The following OR5B21 variants were observed in gnomAD, a reference collection of about 807,000 sequenced individuals.
OR5B21 encodes olfactory receptor family 5 subfamily B member 21.
For missense variants in OR5B21, 372 were observed against 375.7 expected (o/e 0.99, Z 0.08); for synonymous variants, 151 against 143.3 (o/e 1.05, Z -0.38).
chr11:58,507,187 G>C lies in OR5B21; in HGVS notation c.919C>G (p.Pro307Ala), dbSNP rs761156254. Residue 307 changes from proline (P) to alanine (A), a missense_variant, in exon 1 of 1, where the codon CCC becomes GCC. Pro to Ala is a conservative substitution (Grantham distance 27). Coordinates refer to ENST00000360374, the MANE Select transcript of OR5B21 (RefSeq NM_001005218.3). ...CTTCCCATTCACATTTAATATTGGG[G>C]GTAAAGTTTGTTGAGTATTTTCCAG... ...ALWKILNKLY[P>A]QY 1 of 1,601,196 alleles carries C rather than the reference G, an allele frequency of 6.2e-7. No individual in the cohort carries two copies. The highest frequency in any genetic ancestry group is 1.3e-5 in the African/African-American group (1 of 74,590).
Position 58,507,762 on chromosome 11 carries a change from G to GAATGATCGCCATGC in OR5B21, c.343_344insGCATGGCGATCATT (p.Ser115CysfsTer25), listed in dbSNP as rs758580817. The GAATGATCGCCATGC allele has an allele frequency of 4.3e-6, 7 of 1,614,148 alleles. No homozygotes were observed. In the African/African-American group the frequency reaches 9.3e-5, roughly 22 times the overall value. ...CGCTGCATGGCGATCATAGGCCATG[G>GAATGATCGCCATGC]AGGCCAGGAGGTAGCACTCAACAGT... is the stretch of plus-strand genomic sequence containing the variant. On this transcript the variant is annotated frameshift_variant, in exon 1 of 1. Transcript: ENST00000360374. LOFTEE classifies it low-confidence loss of function (END_TRUNC).
In OR5B21 at chr11:58,507,120, A is replaced by T; in HGVS notation, c.*56T>A. The T allele has an allele frequency of 2.5e-6, 3 of 1,221,944 alleles. No homozygotes were observed. Among genetic ancestry groups the T allele is most frequent in the Non-Finnish European group, 3.5e-6 (3 of 851,430 alleles). The allele number at this position is 1,221,944 out of a possible 1,614,324, so 75.7% of individuals were successfully genotyped here. ...GTCAAACGTTAAAAGTCATGATGGC[A>T]TTTAGGTGTGAGAGAAAGTTTATCC... On this transcript the variant is annotated 3_prime_UTR_variant, in exon 1 of 1. Coordinates refer to ENST00000360374, the MANE Select transcript of OR5B21 (RefSeq NM_001005218.3).
rs1258052055 is a variant in OR5B21 at position 58,507,355 on chromosome 11, T to C, written c.751A>G (p.Thr251Ala). Reference sequence around the variant, plus strand: ...GGCTGTAAGTACATGAAGATGATTGTGCCATAGAAGATGGACAAAGCAGTG... The same window carrying C: ...GGCTGTAAGTACATGAAGATGATTGCGCCATAGAAGATGGACAAAGCAGTG... ...HLTALSIFYG[T>A]IIFMYLQPNS... is the part of the protein sequence containing the mutation. Residue 251 changes from threonine (T) to alanine (A), a missense_variant, in exon 1 of 1, where the codon ACA (threonine) becomes GCA (alanine). Coordinates refer to ENST00000360374, the MANE Select transcript of OR5B21 (RefSeq NM_001005218.3). The C allele has an allele frequency of 6.2e-7, 1 of 1,614,158 alleles. No individual in the cohort carries two copies. The highest frequency in any genetic ancestry group is 8.5e-7 in the Non-Finnish European group (1 of 1,180,024).
Position 58,507,489 on chromosome 11 carries a change from A to T in OR5B21, c.617T>A (p.Phe206Tyr). 2 of 1,614,104 alleles carry T rather than the reference A, an allele frequency of 1.2e-6. No homozygotes were observed. The highest frequency in any genetic ancestry group is 1.7e-6 in the Non-Finnish European group (2 of 1,179,992). ...AGAAATAAGGATGACCAGGAGGGTG[A>T]AAAAGACGTTGAAGCCTGCCACAAA... ...VVFVAGFNVF[F>Y]TLLVILISYF... is the part of the protein sequence containing the mutation. Residue 206 changes from phenylalanine (F) to tyrosine (Y), a missense_variant, in exon 1 of 1, where the codon TTC becomes TAC. Physicochemically the swap from Phe to Tyr is conservative, Grantham distance 22 (BLOSUM62 3). Transcript: ENST00000360374.
At position 58,507,795 on chromosome 11, in the gene OR5B21, C is replaced by A; in HGVS notation, c.311G>T (p.Gly104Val). The A allele has an allele frequency of 6.2e-7, 1 of 1,614,068 alleles. No individual in the cohort carries two copies. The highest frequency in any genetic ancestry group is 8.5e-7 in the Non-Finnish European group (1 of 1,180,004). Residue 104 changes from glycine (G) to valine (V), a missense_variant, in exon 1 of 1, where the codon GGG becomes GTG. Coordinates refer to ENST00000360374, the MANE Select transcript of OR5B21 (RefSeq NM_001005218.3). Reference protein sequence around the residue: ...GCAAQFFFFVGFATVECYLLA... With the variant: ...GCAAQFFFFVVFATVECYLLA... ...GAGGTAGCACTCAACAGTGGCAAAC[C>A]CCACAAAGAAGAAGAACTGAGCTGC...
rs766245296 is a variant in OR5B21 at position 58,507,289 on chromosome 11, C to T, written c.817G>A (p.Val273Met). ...QSVDTDKIAS[V>M]FYTVVIPMLN... The stretch of plus-strand genomic sequence containing the variant: ...ATGGGAATCACCACTGTGTAAAACA[C>T]AGAGGCTATTTTGTCTGTGTCCACG... The change falls in exon 1 of 1, where the codon GTG (valine) becomes ATG (methionine). Residue 273 changes from valine (V) to methionine (M), a missense_variant. Val to Met is a conservative substitution (Grantham distance 21, BLOSUM62 1). Transcript: ENST00000360374. 2 of 1,614,116 alleles carry T rather than the reference C, an allele frequency of 1.2e-6. No homozygotes were observed. The highest frequency in any genetic ancestry group is 2.2e-5 in the South Asian group (2 of 91,076).
chr11:58,507,568 G>A lies in OR5B21; in HGVS notation c.538C>T (p.Pro180Ser). ...GAGCATGAGAGAGCCAGGAGTGGGG[G>A]AATGTCACAGAAGAAATGATTAATC... is the stretch of plus-strand genomic sequence containing the variant. ...NEINHFFCDIPPLLALSCSDT... is the reference protein window; with the variant it reads ...NEINHFFCDISPLLALSCSDT... The change falls in exon 1 of 1, where the codon CCC becomes TCC. Residue 180 changes from proline to serine, a missense_variant. Pro to Ser is a moderately conservative substitution (Grantham distance 74). Transcript: ENST00000360374. 6.2e-7 allele frequency: 1 copy of A among 1,614,144 alleles called. No individual in the cohort carries two copies.
Position 58,507,955 on chromosome 11 carries a change from A to G in OR5B21, c.151T>C (p.Ser51Pro). 1 of 1,614,034 alleles carries G rather than the reference A, an allele frequency of 6.2e-7. No homozygotes were observed. The highest frequency in any genetic ancestry group is 1.1e-5 in the South Asian group (1 of 91,072). ...AAGTACATTGGAGTGTGGAGATGGG[A>G]GTCTGAGTGGATGATCACCATCATT... ...GGMMVIIHSD[S>P]HLHTPMYFFL... The change falls in exon 1 of 1, where the codon TCC becomes CCC. Residue 51 changes from serine (S) to proline (P), a missense_variant. By Grantham distance (74) the Ser-to-Pro change is moderately conservative. Coordinates refer to ENST00000360374, the MANE Select transcript of OR5B21 (RefSeq NM_001005218.3).
chr11:58,507,158 C>A lies in OR5B21; in HGVS notation c.*18G>T. 1.3e-6 allele frequency: 2 copies of A among 1,553,364 alleles called. No homozygotes were observed. The highest frequency in any genetic ancestry group is 1.2e-5 in the South Asian group (1 of 85,478). On this transcript the variant is annotated 3_prime_UTR_variant, in exon 1 of 1. Coordinates refer to ENST00000360374, the MANE Select transcript of OR5B21 (RefSeq NM_001005218.3). The stretch of plus-strand genomic sequence containing the variant: ...AGAAAGTTTATCCCTTAATTGCTTG[C>A]CTACTTCCCATTCACATTTAATATT...
chr11:58,507,185 G>A lies in OR5B21; in HGVS notation c.921C>T (p.Pro307=), dbSNP rs1320148796. 1 of 1,598,618 alleles carries A rather than the reference G, an allele frequency of 6.3e-7. No individual in the cohort carries two copies. The highest frequency in any genetic ancestry group is 8.6e-7 in the Non-Finnish European group (1 of 1,168,554). The change falls in exon 1 of 1, where the codon CCC becomes CCT. Residue 307 remains proline (P), a synonymous_variant. Transcript: ENST00000360374. ...TACTTCCCATTCACATTTAATATTG[G>A]GGGTAAAGTTTGTTGAGTATTTTCC... is the stretch of plus-strand genomic sequence containing the variant. ...ALWKILNKLY[P]QY is the part of the protein sequence containing the mutation.
chr11:58,507,430 G>T lies in OR5B21; in HGVS notation c.676C>A (p.His226Asn), dbSNP rs757039475. The change falls in exon 1 of 1, where the codon CAT becomes AAT. Residue 226 changes from histidine to asparagine, a missense_variant. Coordinates refer to ENST00000360374, the MANE Select transcript of OR5B21 (RefSeq NM_001005218.3). The stretch of plus-strand genomic sequence containing the variant: ...ACTTTCTTCTGCCCTTCAGCAGAAT[G>T]CATCCTCTGAATGGTGATGCATATG... ...FFICITIQRM[H>N]SAEGQKKVFS... is the part of the protein sequence containing the mutation. 2 of 1,614,080 alleles carry T rather than the reference G, an allele frequency of 1.2e-6. No individual in the cohort carries two copies. The highest frequency in any genetic ancestry group is 8.5e-7 in the Non-Finnish European group (1 of 1,179,982).
rs1298355088 is a variant in OR5B21, at chr11:58,507,519, A to G, written c.587T>C (p.Val196Ala). 1.2e-6 allele frequency: 2 copies of G among 1,614,002 alleles called. No homozygotes were observed. The highest frequency in any genetic ancestry group is 1.7e-5 in the Admixed American group (1 of 59,976). Residue 196 changes from valine (V) to alanine (A), a missense_variant, in exon 1 of 1, where the codon GTG becomes GCG. Coordinates refer to ENST00000360374, the MANE Select transcript of OR5B21 (RefSeq NM_001005218.3). ...SCSDTRISKL[V>A]VFVAGFNVFF... ...GACGTTGAAGCCTGCCACAAAGACCACCAACTTGCTGATGCGTGTGTCAGA... is the reference window on the plus strand; with the variant it reads ...GACGTTGAAGCCTGCCACAAAGACCGCCAACTTGCTGATGCGTGTGTCAGA...
chr11:58,507,515 G>A lies in OR5B21; in HGVS notation c.591C>T (p.Val197=), dbSNP rs760726959. The A allele has an allele frequency of 1.9e-6, 3 of 1,614,148 alleles. No individual in the cohort carries two copies. Among genetic ancestry groups the A allele is most frequent in the Non-Finnish European group, 2.5e-6 (3 of 1,179,998 alleles). ...AAAAGACGTTGAAGCCTGCCACAAA[G>A]ACCACCAACTTGCTGATGCGTGTGT... ...CSDTRISKLV[V]FVAGFNVFFT... Residue 197 remains valine, a synonymous_variant, in exon 1 of 1, where the codon GTC becomes GTT. Coordinates refer to ENST00000360374, the MANE Select transcript of OR5B21 (RefSeq NM_001005218.3).
In OR5B21 at chr11:58,507,974, C is replaced by T; in HGVS notation, c.132G>A (p.Met44Ile). The change falls in exon 1 of 1, where the codon ATG (methionine) becomes ATA (isoleucine). Residue 44 changes from methionine to isoleucine, a missense_variant. Transcript: ENST00000360374. ...GATGGGAGTCTGAGTGGATGATCAC[C>T]ATCATTCCCCCATTCCCAAGCAGGG... ...LITLLGNGGMMVIIHSDSHLH... is the reference protein window; with the variant it reads ...LITLLGNGGMIVIIHSDSHLH... 1 of 1,614,040 alleles carries T rather than the reference C, an allele frequency of 6.2e-7. No homozygotes were observed. The highest frequency in any genetic ancestry group is 8.5e-7 in the Non-Finnish European group (1 of 1,179,968).
chr11:58,507,544 A>G lies in OR5B21; in HGVS notation c.562T>C (p.Ser188Pro). ...ACCAACTTGCTGATGCGTGTGTCAG[A>G]GCATGAGAGAGCCAGGAGTGGGGGA... ...DIPPLLALSC[S>P]DTRISKLVVF... The change falls in exon 1 of 1, where the codon TCT becomes CCT. Residue 188 changes from serine to proline, a missense_variant. Coordinates refer to ENST00000360374, the MANE Select transcript of OR5B21 (RefSeq NM_001005218.3). 2 of 1,614,156 alleles carry G rather than the reference A, an allele frequency of 1.2e-6. No homozygotes were observed. The highest frequency in any genetic ancestry group is 1.7e-6 in the Non-Finnish European group (2 of 1,180,012).
At position 58,507,171 on chromosome 11, in the gene OR5B21, C is replaced by G; in HGVS notation, c.*5G>C. On this transcript the variant is annotated 3_prime_UTR_variant, in exon 1 of 1. Transcript: ENST00000360374. ...CTTAATTGCTTGCCTACTTCCCATT[C>G]ACATTTAATATTGGGGGTAAAGTTT... 6.3e-7 allele frequency: 1 copy of G among 1,581,742 alleles called. No homozygotes were observed. The highest frequency in any genetic ancestry group is 1.3e-5 in the African/African-American group (1 of 74,258).
Position 58,507,925 on chromosome 11 carries a change from G to A in OR5B21, c.181C>T (p.Leu61Phe). ...AAGTCTACAAGGGAGAGGTTACTGA[G>A]GAAAAAGTACATTGGAGTGTGGAGA... ...SHLHTPMYFF[L>F]SNLSLVDLGY... is the part of the protein sequence containing the mutation. Residue 61 changes from leucine to phenylalanine, a missense_variant, in exon 1 of 1, where the codon CTC (leucine) becomes TTC (phenylalanine). Coordinates refer to ENST00000360374, the MANE Select transcript of OR5B21 (RefSeq NM_001005218.3). 1 of 1,614,120 alleles carries A rather than the reference G, an allele frequency of 6.2e-7. No individual in the cohort carries two copies. The highest frequency in any genetic ancestry group is 1.1e-5 in the South Asian group (1 of 91,082).
In OR5B21 at chr11:58,507,996, AG is replaced by A; in HGVS notation, c.109del (p.Leu37CysfsTer7). The A allele has an allele frequency of 1.2e-6, 2 of 1,614,102 alleles. No individual in the cohort carries two copies. The highest frequency in any genetic ancestry group is 1.7e-6 in the Non-Finnish European group (2 of 1,179,980). The part of the protein sequence containing the change: ...LAFLFIYLIT[L>X]LGNGGMMVII... ...CACCATCATTCCCCCATTCCCAAGC[AG>A]GGTGATGAGGTAGATGAATAAAAAT... On this transcript the variant is annotated frameshift_variant, in exon 1 of 1. Transcript: ENST00000360374. LOFTEE classifies it low-confidence loss of function (END_TRUNC).
Position 58,507,460 on chromosome 11 carries a change from A to T in OR5B21, c.646T>A (p.Phe216Ile). 1 of 1,614,148 alleles carries T rather than the reference A, an allele frequency of 6.2e-7. No individual in the cohort carries two copies. Among genetic ancestry groups the T allele is most frequent in the Non-Finnish European group, 8.5e-7 (1 of 1,180,012 alleles). The part of the protein sequence containing the change: ...FTLLVILISY[F>I]FICITIQRMH... Reference sequence around the variant, plus strand: ...CTCTGAATGGTGATGCATATGAAGAAGTAAGAAATAAGGATGACCAGGAGG... The same window carrying T: ...CTCTGAATGGTGATGCATATGAAGATGTAAGAAATAAGGATGACCAGGAGG... The change falls in exon 1 of 1, where the codon TTC becomes ATC. Residue 216 changes from phenylalanine (F) to isoleucine (I), a missense_variant. Phe to Ile is a conservative substitution (Grantham distance 21, BLOSUM62 0). Transcript: ENST00000360374.
Sources: allele counts gnomAD v4.1 joint callset, GRCh38; gene constraint gnomAD v4.1.1; transcripts MANE v1.5; gene names NCBI Gene and HGNC (gene_info 2026-07-23, HGNC 2026-07-21).